Variants in CSMD1 observed in about 807,000 individuals in gnomAD.
CSMD1 encodes CUB and sushi domain-containing protein 1.
Under a neutral mutation model 417.5 loss-of-function variants are expected in CSMD1, and 213 were observed. The ratio of observed to expected loss-of-function variants is 0.51; its 90% CI spans 0.46 to 0.57. The LOEUF (loss-of-function observed/expected upper bound fraction) is 0.57. Ranked by LOEUF, CSMD1 falls within the 20% of genes least tolerant of loss-of-function variation. The pLI is 0.00. For synonymous variants in CSMD1, 2,862 were observed against 1,736.8 expected (o/e 1.65, Z -16.11); for missense variants, 6,923 against 4,529.7 (o/e 1.53, Z -15.17).
Position 2,999,970 on chromosome 8 carries a change from G to C in CSMD1, c.8191C>G (p.Pro2731Ala), listed in dbSNP as rs1450690595. The C allele has an allele frequency of 1.9e-6, 3 of 1,608,294 alleles. No individual in the cohort carries two copies. Among genetic ancestry groups the C allele is most frequent in the Middle Eastern group, 1.7e-4 (1 of 6,036 alleles). Residue 2731 changes from proline to alanine, a missense_variant, in exon 53 of 70, where the codon CCT (proline) becomes GCT (alanine). Transcript: ENST00000635120. ...AGAGTGCACTTACGGACACAGACAG[G>C]CGTTTGTCCAGACCACTTGTGGTCT... Reference protein sequence around the residue: ...LQDHKWSGQTPVCVPITCGHP... With the variant: ...LQDHKWSGQTAVCVPITCGHP...
chr8:3,766,254 T>A (rs1798261431), intron 5 of CSMD1, among the ~76,000 whole-genome samples: 1 of 152,174 alleles, frequency 6.6e-6, no homozygotes, highest in Admixed American at 6.5e-5. Context: ...ATGCCCCACC[T>A]GGAAATCTCC....
At chr8:4,405,554 C>G (rs1294864857) in intron 3 of CSMD1, among the ~76,000 whole-genome samples, 6 of 152,100 alleles carry the variant, frequency 3.9e-5, no homozygotes, top group African/African-American at 1.4e-4. Context: ...GAAACCATCA[C>G]CATGGATTCA....
intron 5 of CSMD1, among the ~76,000 whole-genome samples, chr8:3,787,499 T>G (rs188731616): frequency 6.6e-6 from 1 of 152,258 alleles, no homozygotes; most frequent in East Asian, 1.9e-4. Context: ...AAATGACAGC[T>G]TATCAGAAGA....
chr8:3,930,465 C>T (rs1810064055), intron 5 of CSMD1, among the ~76,000 whole-genome samples: 1 of 150,596 alleles, frequency 6.6e-6, no homozygotes, highest in Non-Finnish European at 1.5e-5. Context: ...GGTCTTTTTA[C>T]CTTTCTCACC....
At chr8:4,290,458 T>G (rs1369590767) in intron 3 of CSMD1, among the ~76,000 whole-genome samples, 1 of 152,136 alleles carries the variant, frequency 6.6e-6, no homozygotes, top group East Asian at 1.9e-4. Context: ...ATGGGCAATT[T>G]TAAACAAGGG....
At chr8:3,239,021 G>A (rs1004907263) in intron 26 of CSMD1, among the ~76,000 whole-genome samples, 1 of 152,078 alleles carries the variant, frequency 6.6e-6, no homozygotes, top group African/African-American at 2.4e-5. Context: ...AATGAGACTG[G>A]GGCCTAAGAA....
At chr8:4,584,854 C>G (rs1305627857) in intron 2 of CSMD1, among the ~76,000 whole-genome samples, 1 of 152,048 alleles carries the variant, frequency 6.6e-6, no homozygotes, top group Non-Finnish European at 1.5e-5. Context: ...AGAAAACCAG[C>G]TTTTATTTAG....
At chr8:4,635,509 A>T (rs1802768496) in intron 2 of CSMD1, among the ~76,000 whole-genome samples, 2 of 152,254 alleles carry the variant, frequency 1.3e-5, no homozygotes, top group East Asian at 1.9e-4. Context: ...AAATAAAAAT[A>T]TTGAGAGAAA....
intron 41 of CSMD1, among the ~76,000 whole-genome samples, chr8:3,135,237 T>A (rs1001481207): frequency 6.6e-6 from 1 of 152,164 alleles, no homozygotes; most frequent in African/African-American, 2.4e-5. Context: ...CCAAACCAAC[T>A]AATAATACTT....
At chr8:3,469,435 G>A (rs1002512839) in intron 11 of CSMD1, among the ~76,000 whole-genome samples, 2 of 152,076 alleles carry the variant, frequency 1.3e-5, no homozygotes, top group African/African-American at 2.4e-5. Context: ...CACTCCCCCC[G>A]CATATTAATG....
chr8:3,306,663 C>T (rs1049358028), intron 25 of CSMD1, among the ~76,000 whole-genome samples: 3 of 152,000 alleles, frequency 2.0e-5, no homozygotes, highest in African/African-American at 7.3e-5. Context: ...AACAATGAAA[C>T]AGAAAGGTTA....
chr8:4,302,382 C>G (rs141700258), intron 3 of CSMD1, among the ~76,000 whole-genome samples: 2 of 152,194 alleles, frequency 1.3e-5, no homozygotes, highest in Admixed American at 6.5e-5. Context: ...TTATACTATT[C>G]AGGCACTAGT....
intron 22 of CSMD1, among the ~76,000 whole-genome samples, chr8:3,344,211 G>A (rs947483648): frequency 6.6e-6 from 1 of 152,196 alleles, no homozygotes; most frequent in Non-Finnish European, 1.5e-5. Context: ...GGAGCAGTGG[G>A]TCTGTGTCAC....
chr8:3,626,954 T>C (rs755898548), intron 7 of CSMD1, among the ~76,000 whole-genome samples: 5 of 151,586 alleles, frequency 3.3e-5, no homozygotes, highest in South Asian at 4.1e-4. Context: ...AAATACACAG[T>C]TATACAGTGT....
intron 7 of CSMD1, among the ~76,000 whole-genome samples, chr8:3,636,140 G>A (rs1018379160): frequency 2.6e-5 from 4 of 152,080 alleles, no homozygotes; most frequent in Admixed American, 2.6e-4. Flanking sequence ...ATTAGCCTAG[G>A]CCTACAACAC....
At chr8:3,274,811 C>T (rs974490449) in intron 26 of CSMD1, among the ~76,000 whole-genome samples, 4 of 152,076 alleles carry the variant, frequency 2.6e-5, no homozygotes, top group African/African-American at 4.8e-5. Context: ...TCATTTTGAG[C>T]CTATGTGTGT....
chr8:3,135,200 A>G (rs970217032), intron 41 of CSMD1, among the ~76,000 whole-genome samples: 2 of 152,330 alleles, frequency 1.3e-5, no homozygotes, highest in African/African-American at 2.4e-5. Flanking sequence ...TATTTTTAAT[A>G]TAGTAAAACA....
chr8:4,993,623 C>T (rs1044381391), intron 1 of CSMD1, among the ~76,000 whole-genome samples: 1 of 152,156 alleles, frequency 6.6e-6, no homozygotes, highest in Admixed American at 6.5e-5. Flanking sequence ...TACCCGTGCG[C>T]CCACAGTGAA....
intron 3 of CSMD1, among the ~76,000 whole-genome samples, chr8:4,152,587 G>A (rs1223046473): frequency 1.3e-5 from 2 of 151,952 alleles, no homozygotes; most frequent in African/African-American, 4.8e-5. Context: ...CTCCTTGGGA[G>A]GCTTAAGTGG....
Sources: allele counts gnomAD v4.1 joint callset (sites outside exome capture counted in the v4.1 genomes callset), GRCh38; gene constraint gnomAD v4.1.1; transcripts MANE v1.5; gene names NCBI Gene and HGNC (gene_info 2026-07-23, HGNC 2026-07-21).